SEMA4D: variants seen among roughly 807,000 people sequenced by gnomAD.
SEMA4D encodes the protein semaphorin 4D, also known as semaphorin-4D.
Under a neutral mutation model 74.8 loss-of-function variants are expected in SEMA4D, and 22 were observed. The observed-to-expected ratio is 0.29, with a 90% CI of 0.21 to 0.42. The LOEUF (loss-of-function observed/expected upper bound fraction) is 0.42. Ranked by LOEUF, SEMA4D falls within the 10% of genes least tolerant of loss-of-function variation. SEMA4D has a pLI of 1.00. For missense variants in SEMA4D, 937 were observed against 1,118.4 expected (o/e 0.84, Z 2.31); for synonymous variants, 445 against 463.7 (o/e 0.96, Z 0.52).
At chr9:89,450,446 C>T (rs1323736363) in intron 2 of SEMA4D, 12 of 1,397,422 alleles carry the variant, frequency 8.6e-6, no homozygotes, top group Admixed American at 3.4e-5. Flanking sequence ...TGGTGGAGTG[C>T]GCCAAACATG....
intron 1 of SEMA4D, among the ~76,000 whole-genome samples, chr9:89,456,782 G>C (rs1186053710): frequency 6.6e-6 from 1 of 152,162 alleles, no homozygotes; most frequent in African/African-American, 2.4e-5. Context: ...TAGAGACGGG[G>C]TTTCACCATG....
At chr9:89,404,689 C>G (rs938753392) in intron 3 of SEMA4D, among the ~76,000 whole-genome samples, 2 of 149,758 alleles carry the variant, frequency 1.3e-5, no homozygotes, top group Non-Finnish European at 1.5e-5. Context: ...GGGTCCCCAT[C>G]CCGTCCCCAG....
At chr9:89,404,790 T>C (rs1232502505) in intron 3 of SEMA4D, among the ~76,000 whole-genome samples, 684 of 49,410 alleles carry the variant, frequency 0.014, no homozygotes, top group South Asian at 0.019. Context: ...CCTGTCCCGT[T>C]CTCAGCCACT....
downstream of SEMA4D, chr9:89,376,561 A>C (rs1460454155): frequency 5.3e-6 from 2 of 378,078 alleles, no homozygotes; most frequent in Non-Finnish European, 9.6e-6. Context: ...GCTGTGACAC[A>C]GCCTGCAGCC....
chr9:89,419,214 A>G (rs560462231), intron 2 of SEMA4D, among the ~76,000 whole-genome samples: 1 of 152,288 alleles, frequency 6.6e-6, no homozygotes, highest in Non-Finnish European at 1.5e-5. Context: ...GCCCCACCGT[A>G]GTGGAGCTTC....
exon 19 of SEMA4D, chr9:89,360,837 C>T (rs1394551896): frequency 1.3e-5 from 2 of 152,208 alleles, no homozygotes. Context: ...CAAAGAAAGA[C>T]TCAGAAATTC....
In SEMA4D at chr9:89,395,822, C is replaced by T. The variant is rs139756571; in HGVS notation, c.414+915G>A. ...GGCCATACGTTGTCTTGTCATTTAT[C>T]TCTGACTCAAGATTGGAAAATATTT... On this transcript the variant is annotated intron_variant, in intron 6 of 15. Coordinates refer to ENST00000422704, the MANE Select transcript of SEMA4D (RefSeq NM_001371194.2). Among the ~76,000 whole-genome samples, 604 of 152,292 alleles carry T rather than the reference C, an allele frequency of 4.0e-3. 5 individuals carry two copies. Among genetic ancestry groups the T allele is most frequent in the African/African-American group, 0.014 (576 of 41,540 alleles).
intron 17 of SEMA4D, chr9:89,363,733 T>TCAC (rs779927004): frequency 3.7e-6 from 6 of 1,610,742 alleles, no homozygotes. Flanking sequence ...GGCATGGGAA[T>TCAC]CACTTACCAG....
At chr9:89,377,005 G>A, downstream of SEMA4D, 5 of 1,546,084 alleles carry the variant, frequency 3.2e-6, no homozygotes, top group Non-Finnish European at 4.4e-6. Flanking sequence ...GGCCCAGACA[G>A]GACAGGGAAG....
At chr9:89,362,159 T>C (rs1832809030) in exon 19 of SEMA4D, 3 of 605,178 alleles carry the variant, frequency 5.0e-6, no homozygotes, top group Admixed American at 2.9e-5. Context: ...CAGAACTTAC[T>C]GTCCCAGGTA....
intron 2 of SEMA4D, chr9:89,436,445 T>G (rs573009352): frequency 6.6e-6 from 1 of 152,532 alleles, no homozygotes; most frequent in Admixed American, 6.5e-5. Context: ...TCTGCTCGCC[T>G]GGGACGTCTG....
intron 2 of SEMA4D, among the ~76,000 whole-genome samples, chr9:89,420,424 G>A (rs1012660433): frequency 3.3e-5 from 5 of 152,220 alleles, no homozygotes; most frequent in African/African-American, 4.8e-5. Context: ...CCAATGGCCT[G>A]TTCATCAAAA....
Position 89,378,671 on chromosome 9 carries a change from A to G in SEMA4D, c.*33T>C. 2 of 1,556,998 alleles carry G rather than the reference A, an allele frequency of 1.3e-6. No homozygotes were observed. Among genetic ancestry groups the G allele is most frequent in the Non-Finnish European group, 1.8e-6 (2 of 1,129,846 alleles). Reference sequence around the variant, plus strand: ...AACTCTCCACGCCTGGACACGTCGCAGCCGAGGCACCAGCGGGGATGCACA... The same window carrying G: ...AACTCTCCACGCCTGGACACGTCGCGGCCGAGGCACCAGCGGGGATGCACA... On this transcript the variant is annotated 3_prime_UTR_variant, in exon 16 of 16. Coordinates refer to ENST00000422704, the MANE Select transcript of SEMA4D (RefSeq NM_001371194.2).
intron 2 of SEMA4D, among the ~76,000 whole-genome samples, chr9:89,432,598 C>T (rs1330267181): frequency 2.0e-5 from 3 of 152,162 alleles, no homozygotes; most frequent in Non-Finnish European, 4.4e-5. Context: ...AGATTTGGTG[C>T]TGCAGGCAAA....
chr9:89,386,159 C>T (rs2132983202), intron 13 of SEMA4D: 1 of 841,554 alleles, frequency 1.2e-6, no homozygotes, highest in African/African-American at 1.8e-5. Flanking sequence ...AGTCCCGTCT[C>T]CCCAGGTCTG....
At chr9:89,431,686 T>C (rs1392263150) in intron 2 of SEMA4D, among the ~76,000 whole-genome samples, 5 of 152,168 alleles carry the variant, frequency 3.3e-5, no homozygotes, top group African/African-American at 1.2e-4. Context: ...TTTGTAGAGA[T>C]GGGGTCTTGC....
At position 89,393,546 on chromosome 9, in the gene SEMA4D, G is replaced by A. The variant is rs1840294728; in HGVS notation, c.508+16C>T. On this transcript the variant is annotated intron_variant, in intron 7 of 15. Coordinates refer to ENST00000422704, the MANE Select transcript of SEMA4D (RefSeq NM_001371194.2). ...TGTAATCTTCACGGTGAAGGAACTG[G>A]AGGGGCAGGACTCACCAACCATGAC... is the stretch of plus-strand genomic sequence containing the variant. The A allele has an allele frequency of 5.0e-6, 8 of 1,600,660 alleles. No homozygotes were observed. The highest frequency in any genetic ancestry group is 5.1e-6 in the Non-Finnish European group (6 of 1,167,936).
intron 2 of SEMA4D, among the ~76,000 whole-genome samples, chr9:89,437,648 T>C (rs867710717): frequency 1.3e-5 from 2 of 152,184 alleles, no homozygotes; most frequent in African/African-American, 4.8e-5. Flanking sequence ...AGGTTCCCGG[T>C]GCTGCCTCTG....
intron 1 of SEMA4D, among the ~76,000 whole-genome samples, chr9:89,483,864 T>C (rs1564005041): frequency 6.6e-6 from 1 of 152,198 alleles, no homozygotes; most frequent in South Asian, 2.1e-4. Context: ...TTTTGTATTG[T>C]AATAAAAAAT....
Sources: allele counts gnomAD v4.1 joint callset (sites outside exome capture counted in the v4.1 genomes callset), GRCh38; gene constraint gnomAD v4.1.1; transcripts MANE v1.5; gene names NCBI Gene and HGNC (gene_info 2026-07-23, HGNC 2026-07-21).